LIPT1: variants seen among roughly 807,000 people sequenced by gnomAD.
LIPT1 encodes the protein lipoyltransferase 1.
In LIPT1, 22 loss-of-function variants were observed where a neutral mutation model predicts 25.1. The ratio of observed to expected loss-of-function variants is 0.88; its 90% confidence interval spans 0.63 to 1.25. The LOEUF is 1.25. Among genes scored for constraint, LIPT1 ranks in the 50% most tolerant of loss-of-function variants. The probability of loss-of-function intolerance (pLI) is 0.00; values close to 1 mark genes in which losing one functional copy is unlikely to be tolerated. For missense variants in LIPT1, 399 were observed against 432.8 expected (o/e 0.92, Z 0.69); for synonymous variants, 131 against 150.8 (o/e 0.87, Z 0.96).
chr2:99,162,700 T>G lies in LIPT1; in HGVS notation c.743T>G (p.Ile248Arg). ...CAAATTGATAATCACATTCACCTAA[T>G]AAACCCAACGGATGAGACACTGTTT... The part of the protein sequence containing the change: ...YHQIDNHIHL[I>R]NPTDETLFPG... The change falls in exon 2 of 2, where the codon ATA (isoleucine) becomes AGA (arginine). Residue 248 changes from isoleucine to arginine, a missense_variant. By Grantham distance (97) the Ile-to-Arg change is moderately conservative. Coordinates refer to ENST00000651691, the MANE Select transcript of LIPT1 (RefSeq NM_145199.3). 1 of 1,614,162 alleles carries G rather than the reference T, an allele frequency of 6.2e-7. No homozygotes were observed.
intron 1 of LIPT1, among the ~76,000 whole-genome samples, chr2:99,159,355 G>A (rs1428623406): frequency 2.0e-5 from 3 of 152,252 alleles, no homozygotes; most frequent in South Asian, 2.1e-4. Context: ...GAGCCACTGC[G>A]CCCGGCCAGT....
Position 99,162,515 on chromosome 2 carries a change from G to C in LIPT1, c.558G>C (p.Gly186=). The C allele has an allele frequency of 6.2e-7, 1 of 1,614,122 alleles. No homozygotes were observed. Among genetic ancestry groups the C allele is most frequent in the South Asian group, 1.1e-5 (1 of 91,082 alleles). ...HHCTLLCSTD[G]TFLSSLLKSP... ...GCACTTTATTATGTAGTACTGATGG[G>C]ACGTTCTTGTCTTCTTTGCTAAAGA... is the stretch of plus-strand genomic sequence containing the variant. Residue 186 remains glycine, a synonymous_variant, in exon 2 of 2, where the codon GGG becomes GGC. Transcript: ENST00000651691.
intron 1 of LIPT1, among the ~76,000 whole-genome samples, chr2:99,155,978 A>G (rs2105181414): frequency 6.6e-6 from 1 of 152,316 alleles, no homozygotes; most frequent in South Asian, 2.1e-4. Flanking sequence ...TCATCTGAAT[A>G]TCTGATAGAT....
chr2:99,161,679 A>G (rs1203818760), intron 1 of LIPT1: 6 of 241,660 alleles, frequency 2.5e-5, no homozygotes, highest in Non-Finnish European at 4.4e-5. Context: ...CTGTAAGAGA[A>G]AAAAAAAAGA....
At position 99,162,223 on chromosome 2, in the gene LIPT1, T is replaced by C. The variant is rs1208738138; in HGVS notation, c.266T>C (p.Met89Thr). ...TGGCAGGAATGTAACCTGAATCTAATGAGAGAAGAAGGTATAAAACTGGCT... is the reference window on the plus strand; with the variant it reads ...TGGCAGGAATGTAACCTGAATCTAACGAGAGAAGAAGGTATAAAACTGGCT... ...NPWQECNLNL[M>T]REEGIKLARR... is the part of the protein sequence containing the mutation. Residue 89 changes from methionine (M) to threonine (T), a missense_variant, in exon 2 of 2, where the codon ATG (methionine) becomes ACG (threonine). By Grantham distance (81) the Met-to-Thr change is moderately conservative (BLOSUM62 -1). Transcript: ENST00000651691. 1 of 1,613,854 alleles carries C rather than the reference T, an allele frequency of 6.2e-7. No individual in the cohort carries two copies. Among genetic ancestry groups the C allele is most frequent in the Non-Finnish European group, 8.5e-7 (1 of 1,180,034 alleles).
rs773258068 is a variant in LIPT1, at chr2:99,162,289, G to A, written c.332G>A (p.Gly111Asp). 1 of 1,610,554 alleles carries A rather than the reference G, an allele frequency of 6.2e-7. No homozygotes were observed. Among genetic ancestry groups the A allele is most frequent in the Non-Finnish European group, 8.5e-7 (1 of 1,177,788 alleles). ...GGAGGAACAGTCTACCATGATATGG[G>A]TAATATCAATTTGACTTTCTTTACA... ...SGGGTVYHDM[G>D]NINLTFFTTK... Residue 111 changes from glycine to aspartate, a missense_variant, in exon 2 of 2, where the codon GGT becomes GAT. Coordinates refer to ENST00000651691, the MANE Select transcript of LIPT1 (RefSeq NM_145199.3).
rs764640673 is a variant in LIPT1, at chr2:99,163,030, TA to T, written c.1076del (p.Asn359ThrfsTer14). ...LLRTCPQDHK[L>X]NSKWNILCEK... The stretch of plus-strand genomic sequence containing the variant: ...AGAACATGTCCACAAGACCACAAAC[TA>T]AACAGTAAATGGAATATTCTCTGTG... On this transcript the variant is annotated frameshift_variant, in exon 2 of 2. Coordinates refer to ENST00000651691, the MANE Select transcript of LIPT1 (RefSeq NM_145199.3). LOFTEE classifies it high-confidence loss of function. 2 of 1,595,786 alleles carry T rather than the reference TA, an allele frequency of 1.3e-6. No individual in the cohort carries two copies. Among genetic ancestry groups the T allele is most frequent in the Admixed American group, 3.6e-5 (2 of 55,856 alleles).
intron 1 of LIPT1, chr2:99,156,191 C>T (rs2093751264): frequency 6.6e-6 from 1 of 152,310 alleles, no homozygotes; most frequent in African/African-American, 2.4e-5. Flanking sequence ...TCACATGATG[C>T]CTTTTTAATG....
At chr2:99,158,429 CAAAAAAAAAAAA>C (rs753259893) in intron 1 of LIPT1, among the ~76,000 whole-genome samples, 41 of 96,560 alleles carry the variant, frequency 4.2e-4, no homozygotes, top group African/African-American at 1.6e-3. Flanking sequence ...TTCATCTCTA[CAAAAAAAAAAAA>C]AAAAAAAAAA....
In LIPT1 at chr2:99,162,476, T is replaced by A. The variant is rs761414180; in HGVS notation, c.519T>A (p.Thr173=). 6.2e-7 allele frequency: 1 copy of A among 1,614,138 alleles called. No individual in the cohort carries two copies. Among genetic ancestry groups the A allele is most frequent in the South Asian group, 1.1e-5 (1 of 91,086 alleles). The change falls in exon 2 of 2, where the codon ACT becomes ACA. Residue 173 remains threonine, a synonymous_variant. Transcript: ENST00000651691. ...CAGCTTCTAAGATCGGCCGGACTAC[T>A]GCCTATCACCATTGCACTTTATTAT... The part of the protein sequence containing the change: ...SGTASKIGRT[T]AYHHCTLLCS...
In LIPT1 at chr2:99,162,501, T is replaced by G; in HGVS notation, c.544T>G (p.Cys182Gly). 1 of 1,614,162 alleles carries G rather than the reference T, an allele frequency of 6.2e-7. No homozygotes were observed. The highest frequency in any genetic ancestry group is 8.5e-7 in the Non-Finnish European group (1 of 1,180,012). Residue 182 changes from cysteine to glycine, a missense_variant, in exon 2 of 2, where the codon TGT (cysteine) becomes GGT (glycine). Physicochemically the swap from Cys to Gly is radical, Grantham distance 159. Transcript: ENST00000651691. The part of the protein sequence containing the change: ...TTAYHHCTLL[C>G]STDGTFLSSL... ...TGCCTATCACCATTGCACTTTATTA[T>G]GTAGTACTGATGGGACGTTCTTGTC...
rs1439574692 is a variant in LIPT1 at position 99,162,972 on chromosome 2, A to G, written c.1015A>G (p.Thr339Ala). The G allele has an allele frequency of 2.5e-6, 4 of 1,613,814 alleles. No homozygotes were observed. The highest frequency in any genetic ancestry group is 3.4e-6 in the Non-Finnish European group (4 of 1,179,948). ...TCTTATTGGCAGTAAGTTTTGCCCAACTGAAACTACCATGCTAACAAATAT... is the reference window on the plus strand; with the variant it reads ...TCTTATTGGCAGTAAGTTTTGCCCAGCTGAAACTACCATGCTAACAAATAT... ...SSLIGSKFCPTETTMLTNILL... is the reference protein window; with the variant it reads ...SSLIGSKFCPAETTMLTNILL... The change falls in exon 2 of 2, where the codon ACT becomes GCT. Residue 339 changes from threonine to alanine, a missense_variant. Coordinates refer to ENST00000651691, the MANE Select transcript of LIPT1 (RefSeq NM_145199.3).
intron 1 of LIPT1, chr2:99,161,741 T>C (rs2093794531): frequency 2.1e-6 from 1 of 465,986 alleles, no homozygotes; most frequent in African/African-American, 2.0e-5. Flanking sequence ...ACTGTGAAAT[T>C]ATTTCAACTG....
chr2:99,155,566 A>G (rs771651755), intron 1 of LIPT1: 1 of 455,618 alleles, frequency 2.2e-6, no homozygotes, highest in South Asian at 1.6e-5. Flanking sequence ...TTCCGAGGAA[A>G]AACTTCAAAA....
intron 1 of LIPT1, among the ~76,000 whole-genome samples, chr2:99,157,502 T>C (rs775444136): frequency 6.6e-6 from 1 of 152,234 alleles, no homozygotes; most frequent in Admixed American, 6.5e-5. Flanking sequence ...CCTCATTGTA[T>C]CCACCTTGGG....
intron 1 of LIPT1, chr2:99,155,352 C>T (rs1298126024): frequency 1.6e-5 from 6 of 386,792 alleles, no homozygotes; most frequent in African/African-American, 6.3e-5. Context: ...ATGCACACGA[C>T]CGTAATGAGA....
At chr2:99,161,214 A>G (rs1370308175) in intron 1 of LIPT1, among the ~76,000 whole-genome samples, 5 of 134,238 alleles carry the variant, frequency 3.7e-5, no homozygotes, top group East Asian at 2.3e-4. Flanking sequence ...ATCACGCCAC[A>G]GCATTCCAGC....
chr2:99,159,354 C>T (rs960610667), intron 1 of LIPT1, among the ~76,000 whole-genome samples: 2 of 152,218 alleles, frequency 1.3e-5, no homozygotes, highest in Admixed American at 6.5e-5. Context: ...TGAGCCACTG[C>T]GCCCGGCCAG....
rs781307961 is a variant in LIPT1 at position 99,162,537 on chromosome 2, A to G, written c.580A>G (p.Lys194Glu). Residue 194 changes from lysine to glutamate, a missense_variant, in exon 2 of 2, where the codon AAG becomes GAG. Coordinates refer to ENST00000651691, the MANE Select transcript of LIPT1 (RefSeq NM_145199.3). ...TDGTFLSSLLKSPYQGIRSNA... is the reference protein window; with the variant it reads ...TDGTFLSSLLESPYQGIRSNA... The stretch of plus-strand genomic sequence containing the variant: ...TGGGACGTTCTTGTCTTCTTTGCTA[A>G]AGAGCCCTTACCAAGGGATCAGGAG... 6.2e-7 allele frequency: 1 copy of G among 1,614,184 alleles called. No homozygotes were observed. Among genetic ancestry groups the G allele is most frequent in the East Asian group, 2.2e-5 (1 of 44,880 alleles).
Sources: gnomAD v4.1 joint callset for allele counts (sites outside exome capture counted in the v4.1 genomes callset) on GRCh38, gnomAD v4.1.1 for gene constraint, MANE v1.5 for transcripts, NCBI Gene and HGNC (gene_info 2026-07-23, HGNC 2026-07-21) for gene names.